RAPGEF2: variants seen among roughly 807,000 people sequenced by gnomAD.
The protein encoded by RAPGEF2 is Rap guanine nucleotide exchange factor 2, also known as PDZ domain containing guanine nucleotide exchange factor (GEF) 1.
RAPGEF2 carries 54 observed loss-of-function variants against 186.7 expected under a neutral mutation model. The observed-to-expected ratio is 0.29, with a 90% CI of 0.23 to 0.36. The LOEUF is 0.36. Ranked by LOEUF, RAPGEF2 falls within the 10% of genes least tolerant of loss-of-function variation. The pLI, the probability that RAPGEF2 is intolerant of heterozygous loss-of-function variation, is 1.00. For synonymous variants in RAPGEF2, 712 were observed against 705.9 expected (o/e 1.01, Z -0.14); for missense variants, 1,532 against 2,045.0 (o/e 0.75, Z 4.84).
chr4:159,214,706 A>G (rs1750841190), intron 4 of RAPGEF2, among the ~76,000 whole-genome samples: 1 of 152,178 alleles, frequency 6.6e-6, no homozygotes, highest in African/African-American at 2.4e-5. Context: ...TTCAGGCTGT[A>G]TTTCTAAATG....
At chr4:159,111,753 A>T (rs1738523252) in intron 1 of RAPGEF2, among the ~76,000 whole-genome samples, 1 of 152,214 alleles carries the variant, frequency 6.6e-6, no homozygotes, top group Non-Finnish European at 1.5e-5. Context: ...TCTTCAGTGG[A>T]ATCATTATCT....
At chr4:159,185,899 G>T (rs1747505614) in intron 1 of RAPGEF2, among the ~76,000 whole-genome samples, 1 of 152,026 alleles carries the variant, frequency 6.6e-6, no homozygotes, top group Admixed American at 6.6e-5. Flanking sequence ...TTTGACTAAG[G>T]TTTAAGAGAG....
intron 7 of RAPGEF2, among the ~76,000 whole-genome samples, chr4:159,299,665 T>C (rs1015233976): frequency 2.0e-5 from 3 of 152,156 alleles, no homozygotes; most frequent in Admixed American, 6.5e-5. Flanking sequence ...TATTTACTTA[T>C]GAGTATTTAC....
intron 8 of RAPGEF2, among the ~76,000 whole-genome samples, chr4:159,310,647 CTATT>C (rs1265735277): frequency 1.0e-5 from 1 of 99,396 alleles, no homozygotes; most frequent in Non-Finnish European, 2.3e-5. Context: ...AAGAATATCA[CTATT>C]TAAATATTAA....
At chr4:159,292,516 C>A (rs1761370969) in intron 7 of RAPGEF2, among the ~76,000 whole-genome samples, 1 of 152,134 alleles carries the variant, frequency 6.6e-6, no homozygotes, top group African/African-American at 2.4e-5. Context: ...ACTTCCTACC[C>A]ACTCCCCAAC....
chr4:159,198,936 C>T (rs1020071159), intron 3 of RAPGEF2, among the ~76,000 whole-genome samples: 6 of 150,896 alleles, frequency 4.0e-5, no homozygotes, highest in East Asian at 2.0e-4. Flanking sequence ...AAAAATTAGG[C>T]GTGGTGGCAT....
At chr4:159,155,864 A>G (rs1744060462) in intron 1 of RAPGEF2, among the ~76,000 whole-genome samples, 2 of 151,768 alleles carry the variant, frequency 1.3e-5, no homozygotes, top group African/African-American at 4.8e-5. Context: ...AAATTTTGAT[A>G]TGTTTTAGTT....
At chr4:159,301,465 A>G (rs1044289970) in intron 7 of RAPGEF2, among the ~76,000 whole-genome samples, 4 of 152,242 alleles carry the variant, frequency 2.6e-5, no homozygotes, top group African/African-American at 9.6e-5. Context: ...ATTCTTACAT[A>G]TCTCATATTA....
At position 159,332,577 on chromosome 4, in the gene RAPGEF2, A is replaced by T; in HGVS notation, c.2015A>T (p.Gln672Leu). Reference sequence around the variant, plus strand: ...CCAGATCTTGCTGTAGATGTAGAACAGGTGATAGGACTTGAAAAAGTGAAC... The same window carrying T: ...CCAGATCTTGCTGTAGATGTAGAACTGGTGATAGGACTTGAAAAAGTGAAC... ...SIPDLAVDVE[Q>L]VIGLEKVNKK... The change falls in exon 17 of 30, where the codon CAG becomes CTG. Residue 672 changes from glutamine (Q) to leucine (L), a missense_variant. This residue lies in a region of RAPGEF2 where 810 missense variants were observed against 1,210.5 expected (regional missense o/e 0.67). Coordinates refer to ENST00000691494, the MANE Select transcript of RAPGEF2 (RefSeq NM_001394067.2). The T allele has an allele frequency of 6.2e-7, 1 of 1,614,192 alleles. No individual in the cohort carries two copies. The highest frequency in any genetic ancestry group is 8.5e-7 in the Non-Finnish European group (1 of 1,180,016).
chr4:159,327,616 C>G (rs1412324951), intron 11 of RAPGEF2: 1 of 150,342 alleles, frequency 6.7e-6, no homozygotes, highest in East Asian at 1.9e-4. Flanking sequence ...AAGATCACGC[C>G]ACTGCCCTCC....
intron 1 of RAPGEF2, among the ~76,000 whole-genome samples, chr4:159,172,769 C>A (rs1746046892): frequency 6.6e-6 from 1 of 152,162 alleles, no homozygotes; most frequent in Non-Finnish European, 1.5e-5. Flanking sequence ...ACTTCAGAAA[C>A]TATAACTTGC....
intron 7 of RAPGEF2, among the ~76,000 whole-genome samples, chr4:159,284,689 A>T (rs1760217279): frequency 1.3e-5 from 2 of 152,218 alleles, no homozygotes; most frequent in Admixed American, 1.3e-4. Context: ...CATAGATTTG[A>T]ACCATCATTA....
At chr4:159,120,330 TTCTTA>T (rs1409842684) in intron 1 of RAPGEF2, among the ~76,000 whole-genome samples, 2 of 56,660 alleles carry the variant, frequency 3.5e-5, no homozygotes, top group African/African-American at 1.7e-4. Flanking sequence ...AAATCATCAC[TTCTTA>T]TAAGTATATA....
At chr4:159,226,479 T>C (rs942885885) in intron 4 of RAPGEF2, among the ~76,000 whole-genome samples, 8 of 152,160 alleles carry the variant, frequency 5.3e-5, no homozygotes, top group Non-Finnish European at 8.8e-5. Context: ...CCTTTTTATA[T>C]AAATTTTAAA....
chr4:159,181,738 T>G (rs926865100), intron 1 of RAPGEF2, among the ~76,000 whole-genome samples: 1 of 152,120 alleles, frequency 6.6e-6, no homozygotes, highest in Non-Finnish European at 1.5e-5. Flanking sequence ...GGTTTCACCA[T>G]GTTGGCCAGG....
intron 1 of RAPGEF2, among the ~76,000 whole-genome samples, chr4:159,140,744 T>C (rs1433430896): frequency 6.6e-6 from 1 of 152,076 alleles, no homozygotes; most frequent in African/African-American, 2.4e-5. Context: ...AATTTAACAT[T>C]GATAACACCA....
intron 3 of RAPGEF2, 38 bp from the exon 4 acceptor site, chr4:159,210,462 A>C: frequency 7.3e-7 from 1 of 1,378,476 alleles, no homozygotes; most frequent in South Asian, 1.3e-5. Context: ...TGTTGTTGTT[A>C]TAGGTAACAA....
chr4:159,148,030 A>G (rs935055850), intron 1 of RAPGEF2, among the ~76,000 whole-genome samples: 1 of 152,222 alleles, frequency 6.6e-6, no homozygotes, highest in African/African-American at 2.4e-5. Flanking sequence ...TAAAATTTTC[A>G]ACAATAGACA....
chr4:159,323,657 A>G (rs1266882203), intron 11 of RAPGEF2, 40 bp downstream of exon 11: 3 of 1,207,076 alleles, frequency 2.5e-6, no homozygotes, highest in East Asian at 6.0e-5. Context: ...TTTATTCTTA[A>G]TAAAGAACAC....
Sources: allele counts gnomAD v4.1 joint callset (sites outside exome capture counted in the v4.1 genomes callset), GRCh38; gene constraint gnomAD v4.1.1; regional missense constraint gnomAD v4.1.1; transcripts MANE v1.5; gene names NCBI Gene and HGNC (gene_info 2026-07-23, HGNC 2026-07-21).